The following KCNN3 variants were observed in gnomAD, a reference collection of about 807,000 sequenced individuals.
KCNN3 encodes potassium calcium-activated channel subfamily N member 3, also known as small conductance calcium-activated potassium channel protein 3.
In KCNN3, 16 loss-of-function variants were observed where a neutral mutation model predicts 62.9. The observed-to-expected ratio is 0.25, with a 90% CI of 0.17 to 0.39. KCNN3 has a LOEUF of 0.39. KCNN3 is among the 10% of genes least tolerant of loss of function. The probability of loss-of-function intolerance (pLI) is 1.00; values close to 1 mark genes in which losing one functional copy is unlikely to be tolerated. For synonymous variants in KCNN3, 370 were observed against 389.2 expected (o/e 0.95, Z 0.58); for missense variants, 599 against 949.4 (o/e 0.63, Z 4.85).
At position 154,771,860 on chromosome 1, in the gene KCNN3, G is replaced by T. The variant is rs1021464419; in HGVS notation, c.1448+115C>A. ...TCTTTCCCATTGTCTCCTTTCAGGT[G>T]TCTGGGTACATGCCTGTCTCCTCCA... is the stretch of plus-strand genomic sequence containing the variant. On this transcript the variant is annotated intron_variant, in intron 3 of 7. Coordinates refer to ENST00000271915, the MANE Select transcript of KCNN3 (RefSeq NM_002249.6). 7.8e-6 allele frequency: 8 copies of T among 1,029,094 alleles called. No homozygotes were observed. The Admixed American group carries it at 1.3e-4, about 17-fold the overall frequency. The allele number at this position is 1,029,094 out of a possible 1,614,324, so 63.7% of individuals were successfully genotyped here.
intron 1 of KCNN3, among the ~76,000 whole-genome samples, chr1:154,847,336 C>T (rs528655750): frequency 2.0e-5 from 3 of 152,060 alleles, no homozygotes; most frequent in African/African-American, 4.8e-5. Context: ...TGAGCTGGGC[C>T]GGCACCCAGC....
chr1:154,868,201 G>A, intron 1 of KCNN3: 1 of 985,554 alleles, frequency 1.0e-6, no homozygotes, highest in Non-Finnish European at 1.2e-6. Context: ...CCGTCCCAAG[G>A]AGAGGTGCTC....
chr1:154,718,622 G>A (rs535474156), intron 5 of KCNN3, among the ~76,000 whole-genome samples: 5 of 152,322 alleles, frequency 3.3e-5, no homozygotes, highest in Admixed American at 6.5e-5. Flanking sequence ...AGCAAGTGAC[G>A]GTACCACAGT....
At chr1:154,825,328 G>A (rs1651059364) in intron 1 of KCNN3, among the ~76,000 whole-genome samples, 1 of 151,682 alleles carries the variant, frequency 6.6e-6, no homozygotes, top group African/African-American at 2.4e-5. Flanking sequence ...TAACACACAG[G>A]AATGCTTAGG....
rs149186113 is a variant in KCNN3, at chr1:154,748,414, A to G, written c.1449-15270T>C. ...TTTTTTATATACAGAGAGAAGAACA[A>G]CAGTAGTTGGGATTCTTGCAAAATA... On this transcript the variant is annotated intron_variant, in intron 3 of 7. Coordinates refer to ENST00000271915, the MANE Select transcript of KCNN3 (RefSeq NM_002249.6). Among the ~76,000 whole-genome samples the G allele has an allele frequency of 1.8e-3, 276 of 152,348 alleles. 3 individuals are homozygous for G. The East Asian group carries it at 0.047, about 26-fold the overall frequency.
At chr1:154,765,180 TC>T (rs759119195) in intron 3 of KCNN3, among the ~76,000 whole-genome samples, 1 of 152,214 alleles carries the variant, frequency 6.6e-6, no homozygotes, top group Non-Finnish European at 1.5e-5. Flanking sequence ...AAAAGAGGAA[TC>T]CGTTTCGATC....
chr1:154,730,274 C>T (rs1700564357), intron 4 of KCNN3, among the ~76,000 whole-genome samples: 1 of 152,136 alleles, frequency 6.6e-6, no homozygotes, highest in Non-Finnish European at 1.5e-5. Context: ...AATTATATAC[C>T]CTGCTTAATG....
intron 1 of KCNN3, among the ~76,000 whole-genome samples, chr1:154,843,269 G>C (rs79889914): frequency 0.011 from 1,628 of 152,086 alleles, 21 homozygotes; most frequent in African/African-American, 0.038. Flanking sequence ...CTGCAGAACA[G>C]TTCCCCTCCC....
In KCNN3 at chr1:154,708,062, T is replaced by C; in HGVS notation, c.2110A>G (p.Thr704Ala). The C allele has an allele frequency of 6.2e-7, 1 of 1,613,454 alleles. No individual in the cohort carries two copies. Among genetic ancestry groups the C allele is most frequent in the Non-Finnish European group, 8.5e-7 (1 of 1,179,542 alleles). Reference sequence around the variant, plus strand: ...CTATCGGAGATTGGGGTGTGGGTGGTGCCCACTGCCACGCTGACACCCCGG... The same window carrying C: ...CTATCGGAGATTGGGGTGTGGGTGGCGCCCACTGCCACGCTGACACCCCGG... ...EARGVSVAVG[T>A]THTPISDSPI... Residue 704 changes from threonine (T) to alanine (A), a missense_variant, in exon 8 of 8, where the codon ACC becomes GCC. Coordinates refer to ENST00000271915, the MANE Select transcript of KCNN3 (RefSeq NM_002249.6).
chr1:154,783,081 TGGGCG>T (rs1649123391), intron 2 of KCNN3, among the ~76,000 whole-genome samples: 1 of 60,130 alleles, frequency 1.7e-5, no homozygotes, highest in South Asian at 5.9e-4. Flanking sequence ...GGCGTGGTGG[TGGGCG>T]CCTGTAGTCC....
intron 1 of KCNN3, chr1:154,859,891 A>G: frequency 1.4e-6 from 2 of 1,458,558 alleles, no homozygotes; most frequent in African/African-American, 1.4e-5. Context: ...AAAATGCCCA[A>G]CAAGCTGACT....
intron 2 of KCNN3, among the ~76,000 whole-genome samples, chr1:154,782,234 G>C (rs969676866): frequency 2.0e-5 from 3 of 152,218 alleles, no homozygotes; most frequent in African/African-American, 7.2e-5. Context: ...TCCCACCAGG[G>C]CCATGTGCAC....
At chr1:154,776,246 A>G (rs1180136780) in intron 2 of KCNN3, among the ~76,000 whole-genome samples, 1 of 152,166 alleles carries the variant, frequency 6.6e-6, no homozygotes, top group Non-Finnish European at 1.5e-5. Context: ...GCTTGTTTCC[A>G]CATCTCCAAC....
In KCNN3 at chr1:154,699,620, G is replaced by A. The variant is rs945830809; in HGVS notation, c.*8356C>T. On this transcript the variant is annotated 3_prime_UTR_variant, in exon 8 of 8. Coordinates refer to ENST00000271915, the MANE Select transcript of KCNN3 (RefSeq NM_002249.6). ...CACGTCTTTCCTTGCCCACCTTGGA[G>A]TGTTTCTTGTTGGTGCAATGAGTAA... 3.9e-5 allele frequency: 6 copies of A among 152,336 alleles called. No individual in the cohort carries two copies. The highest frequency in any genetic ancestry group is 1.4e-4 in the African/African-American group (6 of 41,580). The allele number at this position is 152,336 out of a possible 1,614,324, so 9.4% of individuals were successfully genotyped here.
At chr1:154,770,506 G>GT (rs1483140204) in intron 3 of KCNN3, among the ~76,000 whole-genome samples, 5 of 152,156 alleles carry the variant, frequency 3.3e-5, no homozygotes, top group Middle Eastern at 3.2e-3. Flanking sequence ...CAATATAATC[G>GT]TAAGTGTTGA....
intron 2 of KCNN3, among the ~76,000 whole-genome samples, chr1:154,790,643 CAGG>C (rs1192901543): frequency 2.6e-5 from 4 of 152,188 alleles, no homozygotes; most frequent in Non-Finnish European, 5.9e-5. Flanking sequence ...ACCACTAGCC[CAGG>C]AAAAGATCAA....
intron 1 of KCNN3, among the ~76,000 whole-genome samples, chr1:154,829,274 G>A (rs1175645310): frequency 6.6e-6 from 1 of 152,234 alleles, no homozygotes; most frequent in East Asian, 1.9e-4. Flanking sequence ...CAGGCTGAGG[G>A]AGAAAACCCA....
chr1:154,760,783 C>A (rs1211325176), intron 3 of KCNN3, among the ~76,000 whole-genome samples: 2 of 152,190 alleles, frequency 1.3e-5, no homozygotes, highest in Admixed American at 1.3e-4. Context: ...TGGAGCTCCA[C>A]CTGCCCGCAC....
chr1:154,822,838 G>C (rs936608323), intron 1 of KCNN3, among the ~76,000 whole-genome samples: 12 of 152,294 alleles, frequency 7.9e-5, no homozygotes, highest in Admixed American at 7.2e-4. Context: ...TTAGGTGGGG[G>C]AGGTGAGCCC....
Sources: allele counts gnomAD v4.1 joint callset (sites outside exome capture counted in the v4.1 genomes callset), GRCh38; gene constraint gnomAD v4.1.1; transcripts MANE v1.5; gene names NCBI Gene and HGNC (gene_info 2026-07-23, HGNC 2026-07-21).